The following NEK9 variants were observed in gnomAD, a reference collection of about 807,000 sequenced individuals.
NEK9 encodes the protein serine/threonine-protein kinase Nek9.
Under a neutral mutation model 123.4 loss-of-function variants are expected in NEK9, and 75 were observed. That is an observed-to-expected ratio of 0.61 (90% CI 0.50 to 0.74). The LOEUF is 0.74. Among genes scored for constraint, NEK9 ranks in the 30% least tolerant of loss-of-function variants. NEK9 has a pLI of 0.00. For missense variants in NEK9, 952 were observed against 1,214.4 expected, an observed-to-expected ratio of 0.78 and a Z score of 3.21; for synonymous variants, 438 against 458.7, an observed-to-expected ratio of 0.95 and a Z score of 0.58.
intron 10 of NEK9, among the ~76,000 whole-genome samples, chr14:75,108,522 T>TGC (rs1894856868): frequency 1.8e-4 from 10 of 54,232 alleles, no homozygotes; most frequent in African/African-American, 4.5e-4. Flanking sequence ...TGCGTGTGTG[T>TGC]GTGTGTGTGT....
chr14:75,103,816 G>C (rs201538697), intron 14 of NEK9, 26 bp downstream of exon 14: 16 of 1,592,816 alleles, frequency 1.0e-5, no homozygotes, highest in Non-Finnish European at 1.4e-5. Flanking sequence ...TGATGATGTG[G>C]TTAGAACACC....
chr14:75,114,654 G>GCGT, intron 6 of NEK9, among the ~76,000 whole-genome samples: 1 of 152,218 alleles, frequency 6.6e-6, no homozygotes, highest in African/African-American at 2.4e-5. Flanking sequence ...CAACTAACTT[G>GCGT]CGTCCTAATT....
At chr14:75,104,608 G>C (rs1377864482) in intron 13 of NEK9, among the ~76,000 whole-genome samples, 1 of 151,752 alleles carries the variant, frequency 6.6e-6, no homozygotes, top group Non-Finnish European at 1.5e-5. Flanking sequence ...TCAGCCTCTT[G>C]AGTAGCTGGG....
intron 3 of NEK9, chr14:75,120,847 C>T: frequency 1.7e-6 from 1 of 588,476 alleles, no homozygotes. Flanking sequence ...AGGAAGAATG[C>T]AAAGTTATAG....
chr14:75,115,855 G>A (rs1318935623), intron 6 of NEK9, among the ~76,000 whole-genome samples: 2 of 151,990 alleles, frequency 1.3e-5, no homozygotes, highest in African/African-American at 4.8e-5. Flanking sequence ...CTTTATATCA[G>A]GTTGTACTTT....
chr14:75,108,902 C>T (rs1203756889), intron 10 of NEK9, among the ~76,000 whole-genome samples: 1 of 152,052 alleles, frequency 6.6e-6, no homozygotes, highest in Non-Finnish European at 1.5e-5. Context: ...TGAAATGAGC[C>T]TGAGAACGCA....
intron 2 of NEK9, among the ~76,000 whole-genome samples, chr14:75,123,638 G>C (rs1290366358): frequency 6.6e-6 from 1 of 152,044 alleles, no homozygotes; most frequent in Non-Finnish European, 1.5e-5. Flanking sequence ...ATGATCTTTG[G>C]ACCACTTTTC....
chr14:75,100,312 G>GT (rs1894532286), intron 16 of NEK9, among the ~76,000 whole-genome samples: 1 of 152,002 alleles, frequency 6.6e-6, no homozygotes, highest in Non-Finnish European at 1.5e-5. Flanking sequence ...CGAGTATGGT[G>GT]GCGCATGCCT....
chr14:75,087,763 T>C (rs1020923184), intron 20 of NEK9, among the ~76,000 whole-genome samples: 18 of 152,376 alleles, frequency 1.2e-4, no homozygotes, highest in African/African-American at 4.3e-4. Context: ...CTGATGATCC[T>C]AGTCTGGATT....
intron 10 of NEK9, among the ~76,000 whole-genome samples, chr14:75,108,561 AT>A (rs1161942425): frequency 4.5e-4 from 64 of 143,618 alleles, no homozygotes; most frequent in Admixed American, 6.4e-4. Flanking sequence ...ATATATATAT[AT>A]TTTTTTTTTT....
chr14:75,117,440 C>A, intron 5 of NEK9, 114 bp from the exon 6 acceptor site: 1 of 1,182,274 alleles, frequency 8.5e-7, no homozygotes, highest in East Asian at 2.6e-5. Flanking sequence ...ATAAAACATT[C>A]ATCAGCAGAT....
At position 75,082,949 on chromosome 14, in the gene NEK9, CT is replaced by C; in HGVS notation, c.*1614del. On this transcript the variant is annotated 3_prime_UTR_variant, in exon 22 of 22. Coordinates refer to ENST00000238616, the MANE Select transcript of NEK9 (RefSeq NM_033116.6). ...ATTACATTAGTACTAATGTACTAGG[CT>C]TCCCAGAACTGAGAAAACAATGGGA... 2.5e-6 allele frequency: 1 copy of C among 398,620 alleles called. No homozygotes were observed. Among genetic ancestry groups the C allele is most frequent in the Non-Finnish European group, 4.4e-6 (1 of 226,072 alleles). 24.7% of individuals were successfully genotyped at this position (398,620 alleles called of 1,614,324 possible).
chr14:75,086,731 C>G (rs1451799633), intron 21 of NEK9: 2 of 341,184 alleles, frequency 5.9e-6, no homozygotes, highest in Non-Finnish European at 1.2e-5. Context: ...CACGGTGAAA[C>G]CCTGTCTCTA....
At chr14:75,092,180 A>G (rs913300406) in intron 18 of NEK9, among the ~76,000 whole-genome samples, 2 of 151,456 alleles carry the variant, frequency 1.3e-5, no homozygotes. Context: ...GGGTTTCACT[A>G]TGTTGGCCAG....
rs1414267985 is a variant in NEK9 at position 75,081,859 on chromosome 14, T to C, written c.*2705A>G. 1 of 152,172 alleles carries C rather than the reference T, an allele frequency of 6.6e-6. No individual in the cohort carries two copies. Among genetic ancestry groups the C allele is most frequent in the Non-Finnish European group, 1.5e-5 (1 of 68,022 alleles). 9.4% of individuals were successfully genotyped at this position (152,172 alleles called of 1,614,324 possible). A position where few individuals can be genotyped will look rare whatever the true frequency, so the allele number is the denominator to read the frequency against. On this transcript the variant is annotated 3_prime_UTR_variant, in exon 22 of 22. Transcript: ENST00000238616. The surrounding 1 kb of genome is among the most constrained non-coding windows in gnomAD (Gnocchi z 4.2). ...CATCCTTCTTTTAGTGGCTCATTTT[T>C]TCCCTCCCTCTGCACTTTCGGCACT...
At chr14:75,106,802 T>C in intron 11 of NEK9, 100 bp from the exon 12 acceptor site, 1 of 830,754 alleles carries the variant, frequency 1.2e-6, no homozygotes, top group South Asian at 1.7e-5. Flanking sequence ...CAGCAAATGA[T>C]CTCACATGAA....
intron 11 of NEK9, 103 bp downstream of exon 11, chr14:75,107,240 T>C: frequency 1.6e-6 from 2 of 1,240,774 alleles, no homozygotes; most frequent in Non-Finnish European, 2.2e-6. Flanking sequence ...TCTGGTTCTT[T>C]GTATACTGTC....
intron 13 of NEK9, 24 bp from the exon 14 acceptor site, chr14:75,104,021 G>A: frequency 6.3e-7 from 1 of 1,597,616 alleles, no homozygotes; most frequent in Non-Finnish European, 8.5e-7. Flanking sequence ...ATCAGAAAAA[G>A]AAATCCCAAA....
intron 14 of NEK9, 129 bp from the exon 15 acceptor site, chr14:75,101,894 G>A (rs1894596362): frequency 3.3e-6 from 2 of 600,814 alleles, no homozygotes; most frequent in East Asian, 2.6e-5. Flanking sequence ...AGAAGAGGGT[G>A]CCAGGTAGTT....
Sources: gnomAD v4.1 joint callset for allele counts (sites outside exome capture counted in the v4.1 genomes callset) on GRCh38, gnomAD v4.1.1 for gene constraint, Gnocchi (gnomAD v3.1) non-coding constraint, MANE v1.5 for transcripts, NCBI Gene and HGNC (gene_info 2026-07-23, HGNC 2026-07-21) for gene names.